MYO6: variants seen among roughly 807,000 people sequenced by gnomAD.
MYO6 encodes the protein unconventional myosin-VI.
MYO6 carries 74 observed loss-of-function variants against 178.7 expected under a neutral mutation model. The ratio of observed to expected loss-of-function variants is 0.41; its 90% CI spans 0.34 to 0.50. The LOEUF is 0.50. MYO6 is among the 20% of genes least tolerant of loss of function. MYO6 has a pLI of 0.09. For synonymous variants in MYO6, 477 were observed against 504.6 expected, an observed-to-expected ratio of 0.95 and a Z score of 0.73; for missense variants, 1,330 against 1,547.4, an observed-to-expected ratio of 0.86 and a Z score of 2.36.
chr6:75,756,991 TACACAC>T (rs1777447095), intron 1 of MYO6, among the ~76,000 whole-genome samples: 3 of 138,672 alleles, frequency 2.2e-5, no homozygotes, highest in Non-Finnish European at 3.1e-5. Flanking sequence ...TATATATGTA[TACACAC>T]ATATATAGTG....
At chr6:75,862,536 A>G (rs1776290227) in intron 15 of MYO6, 60 bp from the exon 16 acceptor site, 1 of 1,446,458 alleles carries the variant, frequency 6.9e-7, no homozygotes, top group Non-Finnish European at 9.7e-7. Context: ...TGAATTGTTC[A>G]CATATCTTTA....
intron 30 of MYO6, among the ~76,000 whole-genome samples, chr6:75,904,151 G>T (rs1333758666): frequency 4.0e-5 from 6 of 151,050 alleles, no homozygotes; most frequent in Non-Finnish European, 7.4e-5. Flanking sequence ...CTCTCTGGCT[G>T]CCCTTAACAT....
chr6:75,909,993 G>A (rs1055052942), intron 32 of MYO6, among the ~76,000 whole-genome samples: 1 of 152,192 alleles, frequency 6.6e-6, no homozygotes, highest in African/African-American at 2.4e-5. Context: ...ATTAGTGCCA[G>A]TTATTGCTCC....
chr6:75,877,196 C>A (rs1777629605), intron 20 of MYO6, among the ~76,000 whole-genome samples: 1 of 151,988 alleles, frequency 6.6e-6, no homozygotes, highest in Admixed American at 6.6e-5. Flanking sequence ...TGGTCTCAAA[C>A]TCCTGACCTC....
intron 1 of MYO6, among the ~76,000 whole-genome samples, chr6:75,751,820 T>C (rs1776923685): frequency 6.6e-6 from 1 of 152,104 alleles, no homozygotes; most frequent in Non-Finnish European, 1.5e-5. Flanking sequence ...CATCCAAACA[T>C]TGAAAAAAAC....
intron 3 of MYO6, among the ~76,000 whole-genome samples, chr6:75,825,930 T>A (rs534246652): frequency 6.6e-6 from 1 of 152,158 alleles, no homozygotes; most frequent in Admixed American, 6.5e-5. Flanking sequence ...ATATGTCTTA[T>A]GTTAAATTGT....
intron 1 of MYO6, among the ~76,000 whole-genome samples, chr6:75,807,966 C>T (rs1770267295): frequency 6.6e-6 from 1 of 151,782 alleles, no homozygotes; most frequent in Admixed American, 6.6e-5. Context: ...CTCTGGTTCA[C>T]ATGCCTCTGA....
chr6:75,895,136 A>T (rs1057337164), intron 28 of MYO6, 95 bp from the exon 29 acceptor site: 4 of 917,940 alleles, frequency 4.4e-6, no homozygotes, highest in Non-Finnish European at 5.1e-6. Flanking sequence ...TTTTAAAATC[A>T]ATGAGTAAAG....
At chr6:75,835,986 G>A (rs373111829) in intron 7 of MYO6, 30 bp downstream of exon 7, 22 of 1,486,078 alleles carry the variant, frequency 1.5e-5, no homozygotes, top group Non-Finnish European at 2.0e-5. Flanking sequence ...TGTTACGCGT[G>A]TACTGAAATT....
intron 11 of MYO6, among the ~76,000 whole-genome samples, chr6:75,851,541 G>A (rs536240497): frequency 6.6e-6 from 1 of 152,030 alleles, no homozygotes; most frequent in East Asian, 1.9e-4. Context: ...GGTGGTTCTT[G>A]CGTGTTATCC....
At chr6:75,867,192 C>T in intron 18 of MYO6, 87 bp downstream of exon 18, 1 of 1,116,932 alleles carries the variant, frequency 9.0e-7, no homozygotes, top group Non-Finnish European at 1.3e-6. Context: ...AGATCACTGT[C>T]AGAAATCTCA....
At chr6:75,770,485 T>G (rs1765769126) in intron 1 of MYO6, among the ~76,000 whole-genome samples, 1 of 152,186 alleles carries the variant, frequency 6.6e-6, no homozygotes. Flanking sequence ...TAGGTTTGTT[T>G]GTTTGTTTTG....
chr6:75,888,206 C>T (rs1778614471), intron 25 of MYO6, among the ~76,000 whole-genome samples: 1 of 151,590 alleles, frequency 6.6e-6, no homozygotes, highest in African/African-American at 2.4e-5. Context: ...TGCTTGAACC[C>T]AGGAGGCAGA....
chr6:75,835,883 A>G lies in MYO6; in HGVS notation c.498-18A>G. ...CATATTATTGTCATCAACATTTTTTATCCTATATTTTAAACAGATACCTGA... is the reference window on the plus strand; with the variant it reads ...CATATTATTGTCATCAACATTTTTTGTCCTATATTTTAAACAGATACCTGA... On this transcript the variant is annotated intron_variant, in intron 6 of 34. Coordinates refer to ENST00000369977, the MANE Select transcript of MYO6 (RefSeq NM_004999.4). 1 of 1,480,410 alleles carries G rather than the reference A, an allele frequency of 6.8e-7. No individual in the cohort carries two copies. Among genetic ancestry groups the G allele is most frequent in the Non-Finnish European group, 9.4e-7 (1 of 1,058,346 alleles). 91.7% of individuals were successfully genotyped at this position (1,480,410 alleles called of 1,614,324 possible).
intron 1 of MYO6, among the ~76,000 whole-genome samples, chr6:75,766,722 A>C (rs1778451492): frequency 1.3e-5 from 2 of 152,176 alleles, no homozygotes; most frequent in African/African-American, 4.8e-5. Flanking sequence ...CAAATAAAGG[A>C]CAGTCTTCTT....
intron 30 of MYO6, among the ~76,000 whole-genome samples, chr6:75,904,191 T>G (rs1351722661): frequency 6.7e-6 from 1 of 149,736 alleles, no homozygotes; most frequent in Non-Finnish European, 1.5e-5. Flanking sequence ...TTGGTGAATC[T>G]GACAATTATG....
At chr6:75,753,793 C>G (rs543185844) in intron 1 of MYO6, among the ~76,000 whole-genome samples, 1 of 152,104 alleles carries the variant, frequency 6.6e-6, no homozygotes, top group South Asian at 2.1e-4. Flanking sequence ...GAACCAGGAT[C>G]TTTTCATTTA....
At chr6:75,893,762 C>G (rs573723989) in intron 28 of MYO6, among the ~76,000 whole-genome samples, 1 of 152,308 alleles carries the variant, frequency 6.6e-6, no homozygotes, top group African/African-American at 2.4e-5. Context: ...TGTAAATGAA[C>G]TGAATATGGC....
chr6:75,866,724 TTTAAA>T (rs1776736703), intron 17 of MYO6, 103 bp downstream of exon 17: 5 of 1,201,854 alleles, frequency 4.2e-6, no homozygotes, highest in East Asian at 4.9e-5. Context: ...CACGTGGTTA[TTTAAA>T]TTAAGTAAAA....
Sources: gnomAD v4.1 joint callset for allele counts (sites outside exome capture counted in the v4.1 genomes callset) on GRCh38, gnomAD v4.1.1 for gene constraint, MANE v1.5 for transcripts, NCBI Gene and HGNC (gene_info 2026-07-23, HGNC 2026-07-21) for gene names.